Variants in GTF2E2 observed in about 807,000 individuals in gnomAD.
GTF2E2 encodes transcription initiation factor IIE subunit beta.
A neutral mutation model predicts 40.5 loss-of-function variants in GTF2E2; 21 were observed. The ratio of observed to expected loss-of-function variants is 0.52; its 90% CI spans 0.37 to 0.75. GTF2E2 has a LOEUF of 0.75. GTF2E2 is among the 30% of genes least tolerant of loss of function. The pLI is 0.00. For synonymous variants in GTF2E2, 117 were observed against 121.6 expected (o/e 0.96, Z 0.25); for missense variants, 298 against 338.4 (o/e 0.88, Z 0.94).
At chr8:30,652,303 A>G (rs531948655) in intron 2 of GTF2E2, among the ~76,000 whole-genome samples, 56 of 152,332 alleles carry the variant, frequency 3.7e-4, no homozygotes, top group African/African-American at 1.3e-3. Flanking sequence ...CTTGGAGAAA[A>G]TATTTGCAAA....
intron 3 of GTF2E2, among the ~76,000 whole-genome samples, chr8:30,620,245 C>A (rs62505300): frequency 0.039 from 1,154 of 29,360 alleles, 30 homozygotes; most frequent in African/African-American, 0.16. Flanking sequence ...CACAAACACA[C>A]ACACACACAC....
intron 4 of GTF2E2, among the ~76,000 whole-genome samples, chr8:30,613,701 A>G (rs913937455): frequency 1.3e-5 from 2 of 152,172 alleles, no homozygotes; most frequent in African/African-American, 4.8e-5. Context: ...AAAAGTCAAG[A>G]CCTGTATTTT....
intron 5 of GTF2E2, among the ~76,000 whole-genome samples, chr8:30,610,917 A>G (rs1829458906): frequency 6.6e-6 from 1 of 152,214 alleles, no homozygotes; most frequent in African/African-American, 2.4e-5. Context: ...TTTGCAAATC[A>G]TGTATCTGTT....
At chr8:30,592,681 T>C (rs776876261) in intron 6 of GTF2E2, among the ~76,000 whole-genome samples, 1 of 152,248 alleles carries the variant, frequency 6.6e-6, no homozygotes, top group South Asian at 2.1e-4. Context: ...TAAATAGTTA[T>C]ACTGTATTGT....
chr8:30,593,867 T>C (rs1828916302), intron 6 of GTF2E2, among the ~76,000 whole-genome samples: 1 of 152,222 alleles, frequency 6.6e-6, no homozygotes, highest in Non-Finnish European at 1.5e-5. Context: ...GCTTTCCTGA[T>C]AGTGTTTGCA....
Position 30,614,686 on chromosome 8 carries a change from A to T in GTF2E2, c.288T>A (p.Pro96=), listed in dbSNP as rs1193222854. The T allele has an allele frequency of 1.9e-6, 3 of 1,608,480 alleles. No homozygotes were observed. The African/African-American group carries it at 4.0e-5, about 22-fold the overall frequency. The change falls in exon 4 of 8, where the codon CCT becomes CCA. Residue 96 remains proline (P), a synonymous_variant. Transcript: ENST00000355904. The part of the protein sequence containing the change: ...KTRHQRGDTH[P]LTLDEILDET... Reference sequence around the variant, plus strand: ...CATCCAAAATTTCATCTAAGGTTAGAGGATGCGTATCTCCTCGCTGATGCC... The same window carrying T: ...CATCCAAAATTTCATCTAAGGTTAGTGGATGCGTATCTCCTCGCTGATGCC...
chr8:30,597,891 A>G (rs1282396684), intron 6 of GTF2E2, among the ~76,000 whole-genome samples: 1 of 152,264 alleles, frequency 6.6e-6, no homozygotes, highest in African/African-American at 2.4e-5. Context: ...AGCAACAAAA[A>G]TATCTCTGTA....
chr8:30,622,700 C>A (rs141621960), intron 3 of GTF2E2, among the ~76,000 whole-genome samples: 1 of 151,890 alleles, frequency 6.6e-6, no homozygotes, highest in African/African-American at 2.4e-5. Flanking sequence ...GCCAGGGGGG[C>A]CGTCTACAGA....
At chr8:30,614,214 C>T (rs1040614456) in intron 4 of GTF2E2, among the ~76,000 whole-genome samples, 3 of 152,082 alleles carry the variant, frequency 2.0e-5, no homozygotes, top group Non-Finnish European at 4.4e-5. Context: ...TAAATGTGTA[C>T]ATTCAAAAAA....
At chr8:30,612,735 C>T (rs1263438192) in intron 4 of GTF2E2, among the ~76,000 whole-genome samples, 4 of 152,042 alleles carry the variant, frequency 2.6e-5, no homozygotes, top group Non-Finnish European at 5.9e-5. Flanking sequence ...TTAGTAGAGA[C>T]GGGGTTTCAC....
chr8:30,632,010 T>G (rs955329401), intron 3 of GTF2E2, among the ~76,000 whole-genome samples: 4 of 152,104 alleles, frequency 2.6e-5, no homozygotes, highest in Non-Finnish European at 5.9e-5. Context: ...CTTGGGAGGT[T>G]GAGGTGGGAG....
intron 6 of GTF2E2, among the ~76,000 whole-genome samples, chr8:30,603,509 G>C (rs1428697466): frequency 6.6e-6 from 1 of 152,018 alleles, no homozygotes; most frequent in African/African-American, 2.4e-5. Flanking sequence ...AATAAAGCCA[G>C]ACATCAAGGA....
Position 30,579,034 on chromosome 8 carries a change from G to A in GTF2E2, c.763C>T (p.Pro255Ser). Reference protein sequence around the residue: ...MQESGPKKVAPIQRRKKPASQ... With the variant: ...MQESGPKKVASIQRRKKPASQ... ...GCAGGCTTTTTCCTTCTCTGAATAG[G>A]GGCCTAAAGGAAAAGGTAAAAACAA... The change falls in exon 8 of 8, where the codon CCT becomes TCT. Residue 255 changes from proline (P) to serine (S), a missense_variant. By Grantham distance (74) the Pro-to-Ser change is moderately conservative (BLOSUM62 -1). Coordinates refer to ENST00000355904, the MANE Select transcript of GTF2E2 (RefSeq NM_002095.6). The A allele has an allele frequency of 2.0e-6, 3 of 1,521,612 alleles. No homozygotes were observed. Among genetic ancestry groups the A allele is most frequent in the South Asian group, 2.2e-5 (2 of 89,226 alleles). The allele number at this position is 1,521,612 out of a possible 1,614,324, so 94.3% of individuals were successfully genotyped here.
chr8:30,594,184 G>A (rs370104874), intron 6 of GTF2E2, among the ~76,000 whole-genome samples: 1 of 151,218 alleles, frequency 6.6e-6, no homozygotes, highest in African/African-American at 2.4e-5. Context: ...TGCCCACCTC[G>A]GCCTCCCAAA....
At chr8:30,618,668 C>T (rs1800996781) in intron 3 of GTF2E2, among the ~76,000 whole-genome samples, 1 of 152,124 alleles carries the variant, frequency 6.6e-6, no homozygotes, top group African/African-American at 2.4e-5. Context: ...TGTTTCAAAT[C>T]TGCTCAATAT....
chr8:30,652,843 T>C (rs1586013181), intron 2 of GTF2E2, among the ~76,000 whole-genome samples: 1 of 152,300 alleles, frequency 6.6e-6, no homozygotes, highest in Middle Eastern at 3.4e-3. Context: ...AAACAAACTG[T>C]GGTACATATA....
intron 4 of GTF2E2, among the ~76,000 whole-genome samples, chr8:30,613,982 C>T (rs1205324733): frequency 2.0e-5 from 3 of 152,186 alleles, no homozygotes; most frequent in Non-Finnish European, 4.4e-5. Flanking sequence ...AAATATCTTC[C>T]TATCCCTGCA....
At chr8:30,655,787 C>A (rs918642223) in intron 1 of GTF2E2, among the ~76,000 whole-genome samples, 2 of 151,920 alleles carry the variant, frequency 1.3e-5, no homozygotes, top group African/African-American at 4.8e-5. Flanking sequence ...AATCAAAAAC[C>A]TGCCTTCTCT....
chr8:30,633,958 GCA>G (rs1318834899), intron 3 of GTF2E2, among the ~76,000 whole-genome samples: 1 of 152,134 alleles, frequency 6.6e-6, no homozygotes, highest in African/African-American at 2.4e-5. Context: ...AAAAGCCTTA[GCA>G]CAGTTAAAAA....
Sources: allele counts gnomAD v4.1 joint callset (sites outside exome capture counted in the v4.1 genomes callset), GRCh38; gene constraint gnomAD v4.1.1; transcripts MANE v1.5; gene names NCBI Gene and HGNC (gene_info 2026-07-23, HGNC 2026-07-21).